Variants in CEP95 observed in about 807,000 individuals in gnomAD.
CEP95 encodes the protein centrosomal protein of 95 kDa.
Under a neutral mutation model 111.2 loss-of-function variants are expected in CEP95, and 98 were observed. The observed-to-expected ratio is 0.88, with a 90% CI of 0.75 to 1.04. The LOEUF (loss-of-function observed/expected upper bound fraction) is 1.04. Ranked by LOEUF, CEP95 falls within the 50% of genes least tolerant of loss-of-function variation. CEP95 has a pLI of 0.00. For synonymous variants in CEP95, 323 were observed against 327.1 expected (o/e 0.99, Z 0.14); for missense variants, 1,027 against 977.2 (o/e 1.05, Z -0.68).
At chr17:64,510,907 G>A (rs1288560432) in intron 3 of CEP95, among the ~76,000 whole-genome samples, 1 of 152,064 alleles carries the variant, frequency 6.6e-6, no homozygotes, top group Non-Finnish European at 1.5e-5. Context: ...TCTAAGCATC[G>A]GCAGGTTTGA....
chr17:64,536,259 G>T (rs551462005), intron 17 of CEP95: 1 of 163,504 alleles, frequency 6.1e-6, no homozygotes, highest in South Asian at 1.7e-4. Flanking sequence ...GACCAGCCTG[G>T]GCAACATAGT....
At chr17:64,509,851 T>C (rs1159360984) in intron 2 of CEP95, among the ~76,000 whole-genome samples, 1 of 152,112 alleles carries the variant, frequency 6.6e-6, no homozygotes, top group South Asian at 2.1e-4. Flanking sequence ...GGGACCACTT[T>C]ATCTTCCTTA....
chr17:64,527,883 TATATATATACACACACACACACAC>T (rs1401630140), intron 11 of CEP95, among the ~76,000 whole-genome samples: 1 of 143,920 alleles, frequency 6.9e-6, no homozygotes, highest in Non-Finnish European at 1.5e-5. Flanking sequence ...TATATATATA[TATATATATACACACACACACACAC>T]GCGTGTAGCA....
intron 11 of CEP95, among the ~76,000 whole-genome samples, chr17:64,528,767 G>A (rs1196493314): frequency 2.6e-5 from 4 of 152,206 alleles, no homozygotes; most frequent in Admixed American, 6.5e-5. Flanking sequence ...AAAAAGGTTT[G>A]TAGAAGGAAA....
Position 64,507,030 on chromosome 17 carries a change from T to C in CEP95, c.-68T>C. Reference sequence around the variant, plus strand: ...CGCCCCAGTGTCGGGTCTGCGTGGATCGGTCCTTCCAGGACACCGTCGCCT... The same window carrying C: ...CGCCCCAGTGTCGGGTCTGCGTGGACCGGTCCTTCCAGGACACCGTCGCCT... On this transcript the variant is annotated 5_prime_UTR_variant, in exon 1 of 20. Coordinates refer to ENST00000556440, the MANE Select transcript of CEP95 (RefSeq NM_138363.3). The C allele has an allele frequency of 6.5e-7, 1 of 1,541,480 alleles. No individual in the cohort carries two copies. Among genetic ancestry groups the C allele is most frequent in the Non-Finnish European group, 8.8e-7 (1 of 1,138,876 alleles).
Position 64,525,896 on chromosome 17 carries a change from A to T in CEP95, c.1022+14A>T. Reference sequence around the variant, plus strand: ...CAAAGGAAAAAGGTAACATTACTGCAGACTTCAGTGTTTACAGTCTGTTTA... The same window carrying T: ...CAAAGGAAAAAGGTAACATTACTGCTGACTTCAGTGTTTACAGTCTGTTTA... On this transcript the variant is annotated intron_variant, in intron 9 of 19. Transcript: ENST00000556440. 2 of 1,538,056 alleles carry T rather than the reference A, an allele frequency of 1.3e-6. No homozygotes were observed. The highest frequency in any genetic ancestry group is 2.3e-5 in the East Asian group (1 of 44,418).
chr17:64,531,069 A>G, intron 13 of CEP95, 51 bp downstream of exon 13: 1 of 1,034,190 alleles, frequency 9.7e-7, no homozygotes, highest in Non-Finnish European at 1.4e-6. Context: ...GATGAGTGGG[A>G]AGTACAAAGA....
rs886118294 is a variant in CEP95 at position 64,507,079 on chromosome 17, G to C, written c.-19G>C. ...CTTCCCGGCCGCGTCGGAGTCCGGC[G>C]GCGACCTGCCTCTGAAACATGGCAG... On this transcript the variant is annotated 5_prime_UTR_variant, in exon 1 of 20. Transcript: ENST00000556440. The C allele has an allele frequency of 2.6e-6, 4 of 1,550,700 alleles. No homozygotes were observed. In the Admixed American group the frequency reaches 7.8e-5, roughly 30 times the overall value.
At chr17:64,509,077 C>T (rs1220608108) in intron 2 of CEP95, among the ~76,000 whole-genome samples, 5 of 152,114 alleles carry the variant, frequency 3.3e-5, no homozygotes, top group Admixed American at 2.6e-4. Flanking sequence ...GTAAATGTAC[C>T]TTCAAAGGTT....
rs1272590139 is a variant in CEP95 at position 64,533,026 on chromosome 17, T to C, written c.1842+18T>C. 6.2e-7 allele frequency: 1 copy of C among 1,608,584 alleles called. No individual in the cohort carries two copies. Among genetic ancestry groups the C allele is most frequent in the East Asian group, 2.2e-5 (1 of 44,852 alleles). ...AAGATGAAGTAAGTTACTGTCAGTC[T>C]TAAGCATAGGAATTTAAATGAGAAG... On this transcript the variant is annotated intron_variant, in intron 15 of 19. Coordinates refer to ENST00000556440, the MANE Select transcript of CEP95 (RefSeq NM_138363.3).
intron 12 of CEP95, among the ~76,000 whole-genome samples, chr17:64,529,689 T>A (rs1476517377): frequency 6.6e-6 from 1 of 152,204 alleles, no homozygotes; most frequent in Non-Finnish European, 1.5e-5. Flanking sequence ...GTGTGAGTTG[T>A]TATTTTCAGA....
At chr17:64,518,120 G>T (rs1598201593) in intron 5 of CEP95, among the ~76,000 whole-genome samples, 1 of 151,998 alleles carries the variant, frequency 6.6e-6, no homozygotes, top group Non-Finnish European at 1.5e-5. Context: ...CAAGTGATCC[G>T]CCTGCCTCAG....
chr17:64,517,048 C>CT (rs1202629097), intron 5 of CEP95, among the ~76,000 whole-genome samples: 7 of 151,158 alleles, frequency 4.6e-5, no homozygotes, highest in Non-Finnish European at 7.4e-5. Flanking sequence ...TTATATTTTT[C>CT]TTTTTTTTTC....
Position 64,534,687 on chromosome 17 carries a change from A to G in CEP95, c.2020A>G (p.Arg674Gly), listed in dbSNP as rs782455424. The change falls in exon 17 of 20, where the codon AGA becomes GGA. Residue 674 changes from arginine to glycine, a missense_variant. Arg to Gly is a moderately radical substitution (Grantham distance 125). Transcript: ENST00000556440. The part of the protein sequence containing the change: ...VRARKYYDDY[R>G]VQLCAKMMRM... ...TGCTCGAAAATATTATGATGATTATAGAGTTCAGTTGTGTGCAAAAATGAT... is the reference window on the plus strand; with the variant it reads ...TGCTCGAAAATATTATGATGATTATGGAGTTCAGTTGTGTGCAAAAATGAT... The G allele has an allele frequency of 2.5e-6, 4 of 1,613,348 alleles. No individual in the cohort carries two copies. Among genetic ancestry groups the G allele is most frequent in the Non-Finnish European group, 3.4e-6 (4 of 1,179,530 alleles).
chr17:64,509,668 G>C (rs1469515010), intron 2 of CEP95, among the ~76,000 whole-genome samples: 1 of 152,194 alleles, frequency 6.6e-6, no homozygotes, highest in Non-Finnish European at 1.5e-5. Context: ...CTGGGCGATA[G>C]AGCGAGACCC....
rs782615131 is a variant in CEP95, at chr17:64,536,737, T to C, written c.2206T>C (p.Tyr736His). ...TGAACTGGACTCCATGGAGAACTAC[T>C]ATAAGGACCAGGTGGGCTCCTGGCA... ...QDELDSMENY[Y>H]KDQFSLLAEA... Residue 736 changes from tyrosine to histidine, a missense_variant, in exon 18 of 20, where the codon TAT (tyrosine) becomes CAT (histidine). Transcript: ENST00000556440. 13 of 1,603,174 alleles carry C rather than the reference T, an allele frequency of 8.1e-6. No homozygotes were observed. The Admixed American group carries it at 1.9e-4, about 24-fold the overall frequency.
At position 64,519,379 on chromosome 17, in the gene CEP95, AC is replaced by A. The variant is rs1555677158; in HGVS notation, c.533del (p.Thr178MetfsTer16). On this transcript the variant is annotated frameshift_variant, in exon 6 of 20. Coordinates refer to ENST00000556440, the MANE Select transcript of CEP95 (RefSeq NM_138363.3). LOFTEE classifies it high-confidence loss of function. ...TTGGGATGGAGATGAAGCAGAATCC[AC>A]TGGTGAAATCATTAGACTTGGAGAC... Reference protein sequence around the residue: ...PSWDGDEAESTGEIIRLGDTA... With the variant: ...PSWDGDEAESXGEIIRLGDTA... 6.2e-7 allele frequency: 1 copy of A among 1,613,898 alleles called. No individual in the cohort carries two copies.
intron 16 of CEP95, 71 bp from the exon 17 acceptor site, chr17:64,534,514 C>A: frequency 7.3e-7 from 1 of 1,370,950 alleles, no homozygotes; most frequent in Non-Finnish European, 1.0e-6. Flanking sequence ...GGGAGTGAGG[C>A]AGATGAGAAC....
At position 64,534,635 on chromosome 17, in the gene CEP95, A is replaced by G; in HGVS notation, c.1968A>G (p.Ile656Met). ...GGCAAAGGTTGACCCAATCAAAGAT[A>G]AAAGAAAATCGACAGCAAATCGTTC... is the stretch of plus-strand genomic sequence containing the variant. The part of the protein sequence containing the change: ...IRRQRLTQSK[I>M]KENRQQIVRA... The change falls in exon 17 of 20, where the codon ATA becomes ATG. Residue 656 changes from isoleucine to methionine, a missense_variant. By Grantham distance (10) the Ile-to-Met change is conservative. Coordinates refer to ENST00000556440, the MANE Select transcript of CEP95 (RefSeq NM_138363.3). The G allele has an allele frequency of 6.2e-7, 1 of 1,613,930 alleles. No homozygotes were observed. Among genetic ancestry groups the G allele is most frequent in the Non-Finnish European group, 8.5e-7 (1 of 1,179,806 alleles).
Sources: allele counts gnomAD v4.1 joint callset (sites outside exome capture counted in the v4.1 genomes callset), GRCh38; gene constraint gnomAD v4.1.1; transcripts MANE v1.5; gene names NCBI Gene and HGNC (gene_info 2026-07-23, HGNC 2026-07-21).